Variants in CUL5 observed in about 807,000 individuals in gnomAD.
The protein encoded by CUL5 is cullin 5.
CUL5 carries 26 observed loss-of-function variants against 108.8 expected under a neutral mutation model. That is an observed-to-expected ratio of 0.24 (90% CI 0.18 to 0.33). CUL5 has a LOEUF of 0.33. CUL5 is among the 10% of genes least tolerant of loss of function. The probability of loss-of-function intolerance (pLI) is 1.00; values close to 1 mark genes in which losing one functional copy is unlikely to be tolerated. For missense variants in CUL5, 524 were observed against 909.2 expected (o/e 0.58, Z 5.45); for synonymous variants, 334 against 298.0 (o/e 1.12, Z -1.25).
chr11:108,058,245 CT>C (rs771714382), intron 7 of CUL5, among the ~76,000 whole-genome samples: 528 of 100,102 alleles, frequency 5.3e-3, no homozygotes, highest in African/African-American at 9.8e-3. Context: ...TGAAGAGTGC[CT>C]TTTTTTTTTT....
chr11:108,085,621 G>A (rs1220936489), intron 11 of CUL5, among the ~76,000 whole-genome samples: 1 of 152,162 alleles, frequency 6.6e-6, no homozygotes, highest in Middle Eastern at 3.2e-3. Flanking sequence ...AAAAAGGAAT[G>A]AACTACTGGT....
chr11:108,095,728 T>C (rs1212026073), intron 16 of CUL5, 37 bp downstream of exon 16: 2 of 1,529,368 alleles, frequency 1.3e-6, no homozygotes, highest in Non-Finnish European at 1.8e-6. Context: ...GACTGTATCC[T>C]CTCATGTAGC....
chr11:108,058,738 C>G (rs1419839800), intron 7 of CUL5, among the ~76,000 whole-genome samples: 1 of 151,928 alleles, frequency 6.6e-6, no homozygotes, highest in Non-Finnish European at 1.5e-5. Context: ...TTAAGTGTTG[C>G]ATTAGATGTC....
intron 7 of CUL5, among the ~76,000 whole-genome samples, chr11:108,068,853 C>G (rs539868476): frequency 2.6e-5 from 4 of 152,184 alleles, no homozygotes; most frequent in African/African-American, 7.2e-5. Flanking sequence ...TCAACAGCCT[C>G]GTTACCATAT....
intron 2 of CUL5, among the ~76,000 whole-genome samples, chr11:108,044,861 A>G (rs1050399331): frequency 1.3e-5 from 2 of 151,926 alleles, no homozygotes; most frequent in Non-Finnish European, 2.9e-5. Context: ...TCCCGGGTTC[A>G]AGTGATTCTC....
Position 108,050,007 on chromosome 11 carries a change from T to A in CUL5, c.352T>A (p.Leu118Ile). 2 of 1,613,758 alleles carry A rather than the reference T, an allele frequency of 1.2e-6. No homozygotes were observed. The highest frequency in any genetic ancestry group is 1.7e-6 in the Non-Finnish European group (2 of 1,179,774). The stretch of plus-strand genomic sequence containing the variant: ...ACCTTTTTGTCAACTAGAGATTACT[T>A]TAATGGGTAAACAGGGCAGCAATAA... ...PKPFCQLEIT[L>I]MGKQGSNKKS... is the part of the protein sequence containing the mutation. Residue 118 changes from leucine (L) to isoleucine (I), a missense_variant, in exon 4 of 19, where the codon TTA (leucine) becomes ATA (isoleucine). Physicochemically the swap from Leu to Ile is conservative, Grantham distance 5. This residue lies in a region of CUL5 where 170 missense variants were observed against 305.1 expected (regional missense o/e 0.56). Transcript: ENST00000393094.
chr11:108,090,073 A>G (rs1172175899), intron 13 of CUL5, among the ~76,000 whole-genome samples: 4 of 152,142 alleles, frequency 2.6e-5, no homozygotes, highest in Non-Finnish European at 5.9e-5. Flanking sequence ...ATTATATAAA[A>G]TAAAGTGATA....
At chr11:108,036,275 A>G (rs563430431) in intron 2 of CUL5, among the ~76,000 whole-genome samples, 1 of 152,324 alleles carries the variant, frequency 6.6e-6, no homozygotes, top group South Asian at 2.1e-4. Context: ...TCTGCTCCCA[A>G]TACTCAGAGA....
intron 7 of CUL5, among the ~76,000 whole-genome samples, chr11:108,056,970 G>A (rs1276747776): frequency 2.0e-5 from 3 of 152,128 alleles, no homozygotes; most frequent in African/African-American, 7.2e-5. Flanking sequence ...GAAAGGATGA[G>A]TTCATTTTGG....
chr11:108,097,788 C>G, intron 17 of CUL5, 34 bp downstream of exon 17: 1 of 1,212,824 alleles, frequency 8.2e-7, no homozygotes, highest in Non-Finnish European at 1.2e-6. Context: ...ATAAAAACAC[C>G]TTGTTTGAAT....
rs1214242369 is a variant in CUL5 at position 108,106,326 on chromosome 11, G to A, written c.*1942G>A. 6.6e-6 allele frequency: 1 copy of A among 152,460 alleles called. No homozygotes were observed. The highest frequency in any genetic ancestry group is 2.4e-5 in the African/African-American group (1 of 41,406). The allele number at this position is 152,460 out of a possible 1,614,324, so 9.4% of individuals were successfully genotyped here. A position where few individuals can be genotyped will look rare whatever the true frequency, so the allele number is the denominator to read the frequency against. On this transcript the variant is annotated 3_prime_UTR_variant, in exon 19 of 19. Coordinates refer to ENST00000393094, the MANE Select transcript of CUL5 (RefSeq NM_003478.6). ...TTGTTTTAAACCATAATTGTTCTCAGAACTTTTTTGGAACTTCTAATTTTG... is the reference window on the plus strand; with the variant it reads ...TTGTTTTAAACCATAATTGTTCTCAAAACTTTTTTGGAACTTCTAATTTTG...
chr11:108,011,443 T>G (rs898627958), intron 1 of CUL5, among the ~76,000 whole-genome samples: 2 of 152,148 alleles, frequency 1.3e-5, no homozygotes, highest in African/African-American at 4.8e-5. Context: ...TACTTAGGGT[T>G]TAGGTTTAAA....
chr11:108,046,945 C>T (rs1863082942), intron 3 of CUL5, among the ~76,000 whole-genome samples: 1 of 152,092 alleles, frequency 6.6e-6, no homozygotes, highest in African/African-American at 2.4e-5. Context: ...TTCAAATCAG[C>T]CACGGCCTCT....
rs906786341 is a variant in CUL5, at chr11:108,094,453, A to G, written c.1506A>G (p.Val502=). The G allele has an allele frequency of 2.5e-6, 4 of 1,570,812 alleles. No homozygotes were observed. Among genetic ancestry groups the G allele is most frequent in the Non-Finnish European group, 3.5e-6 (4 of 1,153,108 alleles). The change falls in exon 14 of 19, where the codon GTA becomes GTG. Residue 502 remains valine, a synonymous_variant. Transcript: ENST00000393094. ...CTAGAATGTTTCAGGACATAAAAGT[A>G]TCTGAAGATTTGAACCAAGCTTTTA... ...KLARMFQDIK[V]SEDLNQAFKE...
rs775603964 is a variant in CUL5, at chr11:108,083,125, C to T, written c.1178+4885C>T. On this transcript the variant is annotated intron_variant, in intron 11 of 18. Coordinates refer to ENST00000393094, the MANE Select transcript of CUL5 (RefSeq NM_003478.6). ...TGACTAATTGCTCTGACCGGAACGT[C>T]TACTACAGTAACAAATGGCAGGGGT... 2.2e-4 allele frequency among the ~76,000 whole-genome samples: 34 copies of T among 152,202 alleles called. 1 individual carries two copies. Among genetic ancestry groups the T allele is most frequent in the Admixed American group, 9.8e-4 (15 of 15,276 alleles).
At chr11:108,076,745 G>A (rs1271058909) in intron 10 of CUL5, among the ~76,000 whole-genome samples, 1 of 152,108 alleles carries the variant, frequency 6.6e-6, no homozygotes. Context: ...GGGATTGCTG[G>A]GATTATGATT....
intron 7 of CUL5, among the ~76,000 whole-genome samples, chr11:108,069,633 C>T (rs147523892): frequency 5.6e-4 from 85 of 152,308 alleles, no homozygotes; most frequent in Non-Finnish European, 6.3e-4. Context: ...GCCCTCCTCA[C>T]TCTCAATTAG....
chr11:108,039,166 A>G (rs1862824642), intron 2 of CUL5, among the ~76,000 whole-genome samples: 1 of 152,082 alleles, frequency 6.6e-6, no homozygotes, highest in African/African-American at 2.4e-5. Context: ...GATTACAGGC[A>G]TGCACCACCA....
At chr11:108,091,906 G>A (rs1168567800) in intron 13 of CUL5, among the ~76,000 whole-genome samples, 2 of 152,106 alleles carry the variant, frequency 1.3e-5, no homozygotes, top group Non-Finnish European at 2.9e-5. Context: ...AAAGGCTGAG[G>A]TGGGAGGATT....
Sources: gnomAD v4.1 joint callset for allele counts (sites outside exome capture counted in the v4.1 genomes callset) on GRCh38, gnomAD v4.1.1 for gene constraint, gnomAD v4.1.1 regional missense constraint, MANE v1.5 for transcripts, NCBI Gene and HGNC (gene_info 2026-07-23, HGNC 2026-07-21) for gene names.